Variants in PTPRU observed in about 807,000 individuals in gnomAD.
PTPRU encodes protein tyrosine phosphatase receptor type U.
A neutral mutation model predicts 166.3 loss-of-function variants in PTPRU; 69 were observed. The ratio of observed to expected loss-of-function variants is 0.41; its 90% CI spans 0.34 to 0.51. The LOEUF is 0.51. Among genes scored for constraint, PTPRU ranks in the 20% least tolerant of loss-of-function variants. The pLI is 0.09. For missense variants in PTPRU, 1,657 were observed against 2,013.7 expected (o/e 0.82, Z 3.39); for synonymous variants, 793 against 814.0 (o/e 0.97, Z 0.44).
At position 29,311,312 on chromosome 1, in the gene PTPRU, G is replaced by A; in HGVS notation, c.2858-144G>A. 1 of 722,590 alleles carries A rather than the reference G, an allele frequency of 1.4e-6. No homozygotes were observed. Among genetic ancestry groups the A allele is most frequent in the South Asian group, 1.8e-5 (1 of 55,746 alleles). The allele number at this position is 722,590 out of a possible 1,614,324, so 44.8% of individuals were successfully genotyped here. On this transcript the variant is annotated intron_variant, in intron 19 of 29. Transcript: ENST00000373779. This position sits in a 1 kb window ranked among gnomAD's most constrained non-coding sequence, Gnocchi z 4.1. Reference sequence around the variant, plus strand: ...CCCTACAGGCATGCGTCAGCTGCAAGCTGGGTGTTGTGGGCAGCATGAAGC... The same window carrying A: ...CCCTACAGGCATGCGTCAGCTGCAAACTGGGTGTTGTGGGCAGCATGAAGC...
intron 7 of PTPRU, among the ~76,000 whole-genome samples, chr1:29,274,434 T>G (rs1391411074): frequency 6.6e-6 from 1 of 152,208 alleles, no homozygotes; most frequent in African/African-American, 2.4e-5. Flanking sequence ...CATTATATAA[T>G]AGATTGTGTT....
rs1339728084 is a variant in PTPRU at position 29,320,244 on chromosome 1, TG to T, written c.3688-439del. 2 of 157,118 alleles carry T rather than the reference TG, an allele frequency of 1.3e-5. No individual in the cohort carries two copies. Among genetic ancestry groups the T allele is most frequent in the Non-Finnish European group, 2.8e-5 (2 of 71,872 alleles). 9.7% of individuals were successfully genotyped at this position (157,118 alleles called of 1,614,324 possible). A position where few individuals can be genotyped will look rare whatever the true frequency, so the allele number is the denominator to read the frequency against. On this transcript the variant is annotated intron_variant, in intron 25 of 29. Coordinates refer to ENST00000373779, the MANE Select transcript of PTPRU (RefSeq NM_133178.4). The surrounding 1 kb of genome is among the most constrained non-coding windows in gnomAD (Gnocchi z 5.2). ...GTGTGTGGGGCTATTTTTGATGAGGTGGTGGGGGAGGGCTTCTTTGAGGAGG... is the reference window on the plus strand; with the variant it reads ...GTGTGTGGGGCTATTTTTGATGAGGTGTGGGGGAGGGCTTCTTTGAGGAGG...
chr1:29,279,036 C>A lies in PTPRU; in HGVS notation c.1478C>A (p.Ser493Tyr). 1 of 1,590,640 alleles carries A rather than the reference C, an allele frequency of 6.3e-7. No homozygotes were observed. Among genetic ancestry groups the A allele is most frequent in the South Asian group, 1.1e-5 (1 of 87,212 alleles). ...EDVPSGIAAE[S>Y]LTFTPLEDMI... ...GTGCCCAGTGGGATTGCAGCCGAGT[C>A]CCTGACCTTCACTCCACTGGAGGAC... Residue 493 changes from serine (S) to tyrosine (Y), a missense_variant, in exon 9 of 30, where the codon TCC becomes TAC. By Grantham distance (144) the Ser-to-Tyr change is moderately radical (BLOSUM62 -2). Around this residue, in one of 3 missense-constraint regions of PTPRU, gnomAD observed 1,190 missense variants for 1,477.4 expected, o/e 0.81. Coordinates refer to ENST00000373779, the MANE Select transcript of PTPRU (RefSeq NM_133178.4). The surrounding 1 kb of genome is among the most constrained non-coding windows in gnomAD (Gnocchi z 5.2).
In PTPRU at chr1:29,275,587, C is replaced by T; in HGVS notation, c.1284C>T (p.Gly428=). 3.1e-6 allele frequency: 5 copies of T among 1,614,190 alleles called. No individual in the cohort carries two copies. Among genetic ancestry groups the T allele is most frequent in the Non-Finnish European group, 4.2e-6 (5 of 1,180,040 alleles). Residue 428 remains glycine (G), a synonymous_variant, in exon 8 of 30, where the codon GGC becomes GGT. Coordinates refer to ENST00000373779, the MANE Select transcript of PTPRU (RefSeq NM_133178.4). ...TVSLCYHYTL[G]SSHNQTIREC... ...CGCTGTGCTATCACTACACCCTGGG[C>T]AGCAGCCACAACCAGACCATCCGAG...
intron 7 of PTPRU, among the ~76,000 whole-genome samples, chr1:29,274,704 G>A (rs191353794): frequency 2.0e-3 from 304 of 152,194 alleles, no homozygotes; most frequent in Admixed American, 5.2e-3. Flanking sequence ...GATTCAGACT[G>A]GCCTGTTGTA....
At chr1:29,243,911 G>A (rs1684168043) in intron 1 of PTPRU, among the ~76,000 whole-genome samples, 1 of 152,168 alleles carries the variant, frequency 6.6e-6, no homozygotes, top group African/African-American at 2.4e-5. Context: ...GCCATTTCCT[G>A]CAGAATGACT....
Position 29,260,815 on chromosome 1 carries a change from G to A in PTPRU, c.1056G>A (p.Glu352=), listed in dbSNP as rs1387808622. ...TGTGGCACCTCGACCCCGACACAGAGTATGAGATCAGCGTGCTGCTCACGC... is the reference window on the plus strand; with the variant it reads ...TGTGGCACCTCGACCCCGACACAGAATATGAGATCAGCGTGCTGCTCACGC... ...YKLWHLDPDT[E]YEISVLLTRP... is the part of the protein sequence containing the mutation. The change falls in exon 7 of 30, where the codon GAG becomes GAA. Residue 352 remains glutamate, a synonymous_variant. Transcript: ENST00000373779. This position sits in a 1 kb window ranked among gnomAD's most constrained non-coding sequence, Gnocchi z 8.3. The A allele has an allele frequency of 6.2e-7, 1 of 1,613,042 alleles. No individual in the cohort carries two copies. Among genetic ancestry groups the A allele is most frequent in the Admixed American group, 1.7e-5 (1 of 59,956 alleles).
chr1:29,260,109 GCGGGCTCTGCCC>G lies in PTPRU; in HGVS notation c.850+66_850+77del. On this transcript the variant is annotated intron_variant, in intron 6 of 29. Transcript: ENST00000373779. The surrounding 1 kb of genome is among the most constrained non-coding windows in gnomAD (Gnocchi z 8.3). ...TCGAGGGGCGGGGCCGGCGACGGGG[GCGGGCTCTGCCC>G]GGGGGCGTGGCCGTGGGGGGTGGGG... 4 of 1,339,854 alleles carry G rather than the reference GCGGGCTCTGCCC, an allele frequency of 3.0e-6. No individual in the cohort carries two copies. Among genetic ancestry groups the G allele is most frequent in the East Asian group, 3.1e-5 (1 of 32,450 alleles). 83.0% of individuals were successfully genotyped at this position (1,339,854 alleles called of 1,614,324 possible).
intron 1 of PTPRU, among the ~76,000 whole-genome samples, chr1:29,240,467 T>C (rs2452773): frequency 0.82 from 125,442 of 152,092 alleles, 52,287 homozygotes; most frequent in Middle Eastern, 0.89. Flanking sequence ...CAGATGGGGG[T>C]GCACTGATTC....
At chr1:29,283,203 C>T (rs1366689279) in intron 12 of PTPRU, among the ~76,000 whole-genome samples, 1 of 150,592 alleles carries the variant, frequency 6.6e-6, no homozygotes, top group Non-Finnish European at 1.5e-5. Flanking sequence ...GCCCTGCCTC[C>T]TTTTGCCCAC....
chr1:29,267,147 T>A (rs1297923743), intron 7 of PTPRU, among the ~76,000 whole-genome samples: 1 of 152,200 alleles, frequency 6.6e-6, no homozygotes, highest in African/African-American at 2.4e-5. Context: ...GGAGGATTGC[T>A]GGAGCCCAGG....
intron 15 of PTPRU, among the ~76,000 whole-genome samples, chr1:29,300,911 T>G (rs183159336): frequency 1.1e-3 from 161 of 152,284 alleles, no homozygotes; most frequent in African/African-American, 3.7e-3. Flanking sequence ...GAGTAGGAAT[T>G]CTAGGCCAGG....
intron 18 of PTPRU, among the ~76,000 whole-genome samples, chr1:29,306,666 G>A (rs192493461): frequency 6.6e-6 from 1 of 152,196 alleles, no homozygotes; most frequent in South Asian, 2.1e-4. Flanking sequence ...GTGAGGAGCT[G>A]CCTAAGCAAA....
intron 15 of PTPRU, among the ~76,000 whole-genome samples, chr1:29,299,475 C>T (rs1246166642): frequency 6.6e-6 from 1 of 152,176 alleles, no homozygotes; most frequent in African/African-American, 2.4e-5. Context: ...CTTTTGGGAA[C>T]ATCATCATCC....
chr1:29,312,839 G>A, intron 22 of PTPRU, 133 bp downstream of exon 22: 1 of 1,198,268 alleles, frequency 8.3e-7, no homozygotes, highest in Middle Eastern at 3.0e-4. Flanking sequence ...AGTGCAGGAG[G>A]GAACGACCCC....
intron 7 of PTPRU, among the ~76,000 whole-genome samples, chr1:29,266,024 T>TC (rs1685288052): frequency 7.0e-6 from 1 of 142,498 alleles, no homozygotes; most frequent in African/African-American, 2.6e-5. Context: ...TTTTTTTTTT[T>TC]TTTTTTTTTT....
At chr1:29,240,149 C>T (rs977931683) in intron 1 of PTPRU, among the ~76,000 whole-genome samples, 2 of 152,220 alleles carry the variant, frequency 1.3e-5, no homozygotes, top group Admixed American at 6.5e-5. Context: ...TGAACTCCTG[C>T]AACTTGATGG....
intron 14 of PTPRU, 44 bp downstream of exon 14, chr1:29,284,913 T>A: frequency 6.4e-7 from 1 of 1,566,798 alleles, no homozygotes; most frequent in Non-Finnish European, 8.7e-7. Flanking sequence ...CTTCTACCCC[T>A]TAGAGGCCTG....
chr1:29,289,741 C>A, intron 14 of PTPRU: 3 of 1,611,994 alleles, frequency 1.9e-6, no homozygotes, highest in Non-Finnish European at 2.5e-6. Context: ...CCTGGGAGTC[C>A]CCGGCCCTGC....
Sources: gnomAD v4.1 joint callset for allele counts (sites outside exome capture counted in the v4.1 genomes callset) on GRCh38, gnomAD v4.1.1 for gene constraint, gnomAD v4.1.1 regional missense constraint, Gnocchi (gnomAD v3.1) non-coding constraint, MANE v1.5 for transcripts, NCBI Gene and HGNC (gene_info 2026-07-23, HGNC 2026-07-21) for gene names.